The following SPMIP1 variants were observed in gnomAD, a reference collection of about 807,000 sequenced individuals.
The protein encoded by SPMIP1 is sperm microtubule inner protein 1, also known as protein SPMIP1.
chr7:128,868,698 A>C, the SPMIP1 span: 1 of 1,535,858 alleles, frequency 6.5e-7, no homozygotes, highest in Middle Eastern at 1.7e-4. Flanking sequence ...GGTCTCCTGC[A>C]AGATGTGCCG....
the SPMIP1 span, chr7:128,868,724 C>G: frequency 6.5e-7 from 1 of 1,536,016 alleles, no homozygotes; most frequent in Middle Eastern, 1.7e-4. Context: ...AGTCATTCTT[C>G]CGCAAGAACG....
chr7:128,866,671 A>T, the SPMIP1 span: 17 of 1,535,674 alleles, frequency 1.1e-5, no homozygotes, highest in Non-Finnish European at 1.5e-5. Flanking sequence ...TCAGTCGGAA[A>T]TGTACCCGGT....
chr7:128,868,934 T>C, the SPMIP1 span: 19 of 570,486 alleles, frequency 3.3e-5, no homozygotes, highest in Non-Finnish European at 5.3e-5. Context: ...GCCCTCTTGC[T>C]TTTTCCGTAA....
the SPMIP1 span, chr7:128,866,596 T>TCCCCCC: frequency 1.6e-6 from 2 of 1,240,136 alleles, no homozygotes; most frequent in Non-Finnish European, 2.1e-6. Flanking sequence ...AGCCCCACTC[T>TCCCCCC]CACCCCCACC....
At chr7:128,867,700 T>C in the SPMIP1 span, among the ~76,000 whole-genome samples, 2 of 152,126 alleles carry the variant, frequency 1.3e-5, no homozygotes, top group Non-Finnish European at 2.9e-5. Context: ...GCCTCCCGAG[T>C]AGCTGGGACT....
chr7:128,868,579 C>T, the SPMIP1 span: 1 of 787,148 alleles, frequency 1.3e-6, no homozygotes, highest in African/African-American at 1.7e-5. Flanking sequence ...TGACGGATTC[C>T]TAGGGCTGTG....
the SPMIP1 span, chr7:128,870,500 C>T: frequency 0.1 from 15,467 of 150,462 alleles, 1,433 homozygotes; most frequent in East Asian, 0.33. Context: ...GAGGGGTCTC[C>T]GCTTTCTGAT....
chr7:128,866,743 C>T, the SPMIP1 span: 23 of 1,535,964 alleles, frequency 1.5e-5, no homozygotes, highest in South Asian at 5.9e-5. Context: ...GGGGCGGTAC[C>T]GCTACCTCAA....
At chr7:128,870,095 C>T in the SPMIP1 span, 1 of 152,300 alleles carries the variant, frequency 6.6e-6, no homozygotes, top group Admixed American at 6.5e-5. Context: ...CGGTGCCGAC[C>T]TTTGTGGCTC....
chr7:128,866,368 C>T, the SPMIP1 span: 1 of 1,473,914 alleles, frequency 6.8e-7, no homozygotes. Context: ...GTGCTCACCC[C>T]TCAGCTGTGG....
chr7:128,867,382 A>AG, the SPMIP1 span, among the ~76,000 whole-genome samples: 2 of 152,176 alleles, frequency 1.3e-5, no homozygotes, highest in Admixed American at 1.3e-4. Flanking sequence ...GTGTTTGTTT[A>AG]GCTAAAGCTG....
chr7:128,867,408 CTG>C, the SPMIP1 span, among the ~76,000 whole-genome samples: 1 of 152,130 alleles, frequency 6.6e-6, no homozygotes, highest in African/African-American at 2.4e-5. Flanking sequence ...ACAGGGAAGA[CTG>C]GGAGAGGTCA....
the SPMIP1 span, chr7:128,870,866 T>C: frequency 0.1 from 15,482 of 152,352 alleles, 1,417 homozygotes; most frequent in East Asian, 0.32. Flanking sequence ...AAGAGCCTCC[T>C]CCTCACCCCA....
At chr7:128,868,514 A>G in the SPMIP1 span, among the ~76,000 whole-genome samples, 1 of 152,256 alleles carries the variant, frequency 6.6e-6, no homozygotes, top group East Asian at 1.9e-4. Flanking sequence ...ATTTGCCCAT[A>G]GCTCCCATTC....
the SPMIP1 span, chr7:128,868,814 A>C: frequency 2.2e-6 from 3 of 1,393,126 alleles, no homozygotes; most frequent in Non-Finnish European, 2.9e-6. Flanking sequence ...GGAAGAAGAA[A>C]TAACAGGCCT....
the SPMIP1 span, chr7:128,868,782 GC>G: frequency 1.5e-5 from 23 of 1,529,072 alleles, no homozygotes; most frequent in Non-Finnish European, 2.0e-5. Context: ...CTGACCGTGG[GC>G]CAGGTGTGGG....
chr7:128,870,573 T>G, the SPMIP1 span: 1 of 152,240 alleles, frequency 6.6e-6, no homozygotes, highest in Non-Finnish European at 1.5e-5. Flanking sequence ...AGTTCTGCTC[T>G]CTCCTGGCCC....
chr7:128,869,160 C>T, the SPMIP1 span: 1 of 348,374 alleles, frequency 2.9e-6, no homozygotes, highest in Non-Finnish European at 5.2e-6. Flanking sequence ...GCCCGCCCCT[C>T]ACCTGGCCCC....
the SPMIP1 span, among the ~76,000 whole-genome samples, chr7:128,868,274 C>T: frequency 6.6e-6 from 1 of 152,238 alleles, no homozygotes; most frequent in African/African-American, 2.4e-5. Flanking sequence ...CCCAAACATC[C>T]CTTTCCCCCA....
Sources: allele counts gnomAD v4.1 joint callset (sites outside exome capture counted in the v4.1 genomes callset), GRCh38; gene constraint gnomAD v4.1.1; transcripts MANE v1.5; gene names NCBI Gene and HGNC (gene_info 2026-07-23, HGNC 2026-07-21).